Variants in TPX2 observed in about 807,000 individuals in gnomAD.
TPX2 encodes TPX2 microtubule nucleation factor.
Under a neutral mutation model 93.6 loss-of-function variants are expected in TPX2, and 21 were observed. That is an observed-to-expected ratio of 0.22 (90% CI 0.16 to 0.32). The LOEUF is 0.32. TPX2 is among the 10% of genes least tolerant of loss of function. The probability of loss-of-function intolerance (pLI) is 1.00; values close to 1 mark genes in which losing one functional copy is unlikely to be tolerated. For missense variants in TPX2, 776 were observed against 871.1 expected, an observed-to-expected ratio of 0.89 and a Z score of 1.37; for synonymous variants, 281 against 298.3, an observed-to-expected ratio of 0.94 and a Z score of 0.60.
rs767393392 is a variant in TPX2, at chr20:31,801,038, T to C, written c.2202T>C (p.Thr734=). The change falls in exon 18 of 18, where the codon ACT becomes ACC. Residue 734 remains threonine, a synonymous_variant. Coordinates refer to ENST00000300403, the MANE Select transcript of TPX2 (RefSeq NM_012112.5). ...LEIKSSDQPL[T]VPVSPKFSTR... ...TAAAGTCAAGTGACCAGCCTCTGACTGTGCCTGTATCTCCCAAATTCTCCA... is the reference window on the plus strand; with the variant it reads ...TAAAGTCAAGTGACCAGCCTCTGACCGTGCCTGTATCTCCCAAATTCTCCA... 5.6e-6 allele frequency: 9 copies of C among 1,614,202 alleles called. No individual in the cohort carries two copies. The highest frequency in any genetic ancestry group is 7.6e-6 in the Non-Finnish European group (9 of 1,180,028).
chr20:31,792,636 C>G, intron 12 of TPX2, 99 bp from the exon 13 acceptor site: 1 of 1,166,182 alleles, frequency 8.6e-7, no homozygotes, highest in African/African-American at 1.5e-5. Context: ...CATAGTGAGA[C>G]CCTGTCTCTA....
intron 2 of TPX2, among the ~76,000 whole-genome samples, chr20:31,750,534 C>T (rs185509023): frequency 3.4e-5 from 5 of 147,874 alleles, no homozygotes; most frequent in South Asian, 2.2e-4. Context: ...GGCATGATCT[C>T]GGCTCACTGC....
chr20:31,775,044 C>A (rs1031585256), intron 7 of TPX2, among the ~76,000 whole-genome samples: 1 of 152,120 alleles, frequency 6.6e-6, no homozygotes, highest in Non-Finnish European at 1.5e-5. Flanking sequence ...ACTGCAACCT[C>A]CACCTCCCGG....
At chr20:31,799,906 A>G (rs1176035042) in intron 17 of TPX2, among the ~76,000 whole-genome samples, 2 of 150,928 alleles carry the variant, frequency 1.3e-5, no homozygotes, top group Non-Finnish European at 3.0e-5. Flanking sequence ...TCAAAAAAAA[A>G]AAAAAAAAAA....
intron 10 of TPX2, among the ~76,000 whole-genome samples, chr20:31,781,318 G>T (rs919327885): frequency 6.9e-6 from 1 of 144,592 alleles, no homozygotes; most frequent in African/African-American, 2.7e-5. Flanking sequence ...GTGCAGTGGC[G>T]CTCATTTGGC....
intron 3 of TPX2, among the ~76,000 whole-genome samples, chr20:31,758,209 G>A (rs927491899): frequency 6.9e-6 from 1 of 145,878 alleles, no homozygotes; most frequent in African/African-American, 2.6e-5. Flanking sequence ...TGTAACCTCC[G>A]CCACTCTTGT....
At chr20:31,778,562 G>C (rs1350061676) in intron 9 of TPX2, among the ~76,000 whole-genome samples, 1 of 152,106 alleles carries the variant, frequency 6.6e-6, no homozygotes, top group Admixed American at 6.6e-5. Context: ...GACATGGTTG[G>C]GGGGAAATTA....
intron 9 of TPX2, among the ~76,000 whole-genome samples, chr20:31,778,203 A>G (rs2062013411): frequency 6.6e-6 from 1 of 152,174 alleles, no homozygotes; most frequent in Admixed American, 6.5e-5. Context: ...AATAATCTCC[A>G]CTTGCATTTG....
At chr20:31,763,795 G>A (rs541063478) in intron 4 of TPX2, among the ~76,000 whole-genome samples, 1 of 149,884 alleles carries the variant, frequency 6.7e-6, no homozygotes, top group Non-Finnish European at 1.5e-5. Flanking sequence ...TGAGGTGGGC[G>A]GATCACAAGG....
chr20:31,798,340 A>G (rs766933327), intron 16 of TPX2, 25 bp from the exon 17 acceptor site: 28 of 1,613,512 alleles, frequency 1.7e-5, no homozygotes, highest in African/African-American at 2.7e-5. Flanking sequence ...TTGTGCACCA[A>G]TATTTTTTCT....
At chr20:31,781,899 C>G (rs1351785886) in intron 10 of TPX2, among the ~76,000 whole-genome samples, 1 of 151,832 alleles carries the variant, frequency 6.6e-6, no homozygotes, top group Non-Finnish European at 1.5e-5. Context: ...AGCCTTTATG[C>G]CCCTGCACTC....
At chr20:31,761,852 A>G (rs531519243) in intron 4 of TPX2, among the ~76,000 whole-genome samples, 23 of 152,174 alleles carry the variant, frequency 1.5e-4, no homozygotes, top group Non-Finnish European at 2.1e-4. Flanking sequence ...TAATAGCTGT[A>G]CTAATTGACT....
chr20:31,772,806 A>G (rs1200159497), intron 7 of TPX2, among the ~76,000 whole-genome samples: 4 of 152,250 alleles, frequency 2.6e-5, no homozygotes, highest in South Asian at 2.1e-4. Context: ...TTTCATGATT[A>G]TAAGTACTCA....
chr20:31,801,165 C>A lies in TPX2; in HGVS notation c.*85C>A. On this transcript the variant is annotated 3_prime_UTR_variant, in exon 18 of 18. Transcript: ENST00000300403. ...AGGACCGTCTTGCTTTGTCATTGGG[C>A]ATGGAGAGAACCCATTTCTCCAGAC... 3 of 1,234,468 alleles carry A rather than the reference C, an allele frequency of 2.4e-6. No homozygotes were observed. The highest frequency in any genetic ancestry group is 3.6e-6 in the Non-Finnish European group (3 of 844,216). 76.5% of individuals were successfully genotyped at this position (1,234,468 alleles called of 1,614,324 possible).
At chr20:31,766,459 G>GTGTGTGTGTGTGTGTGTA (rs1568926958) in intron 4 of TPX2, 97 bp from the exon 5 acceptor site, 29 of 882,972 alleles carry the variant, frequency 3.3e-5, no homozygotes, top group Non-Finnish European at 3.2e-5. Flanking sequence ...GACAGGGTGT[G>GTGTGTGTGTGTGTGTGTA]TGTGTGTGTG....
At chr20:31,766,375 G>A (rs1310025132) in intron 4 of TPX2, among the ~76,000 whole-genome samples, 181 bp from the exon 5 acceptor site, 1 of 151,440 alleles carries the variant, frequency 6.6e-6, no homozygotes, top group Non-Finnish European at 1.5e-5. Flanking sequence ...CATCATTTCT[G>A]TTTCAACCAA....
At chr20:31,769,545 C>G (rs187748106) in intron 5 of TPX2, among the ~76,000 whole-genome samples, 2 of 151,892 alleles carry the variant, frequency 1.3e-5, no homozygotes, top group Admixed American at 1.3e-4. Context: ...AGGATGGTCT[C>G]GATCTCCTGA....
intron 4 of TPX2, among the ~76,000 whole-genome samples, chr20:31,764,122 GTA>G (rs1475620688): frequency 1.5e-5 from 2 of 137,722 alleles, no homozygotes; most frequent in Non-Finnish European, 3.1e-5. Context: ...ATGTATGTGT[GTA>G]TATATGTACA....
intron 12 of TPX2, among the ~76,000 whole-genome samples, chr20:31,791,768 G>A (rs768685124): frequency 2.8e-4 from 42 of 152,310 alleles, no homozygotes; most frequent in Middle Eastern, 6.8e-3. Flanking sequence ...GAGCAGAATA[G>A]AGAGCTGATG....
Sources: allele counts gnomAD v4.1 joint callset (sites outside exome capture counted in the v4.1 genomes callset), GRCh38; gene constraint gnomAD v4.1.1; transcripts MANE v1.5; gene names NCBI Gene and HGNC (gene_info 2026-07-23, HGNC 2026-07-21).